Variants in TMEM232 observed in about 807,000 individuals in gnomAD.
TMEM232 encodes the protein transmembrane protein 232.
In TMEM232, 80 loss-of-function variants were observed where a neutral mutation model predicts 78.8. The ratio of observed to expected loss-of-function variants is 1.01; its 90% CI spans 0.85 to 1.22. The LOEUF (loss-of-function observed/expected upper bound fraction) is 1.22. TMEM232 is among the 50% of genes most tolerant of loss of function. The pLI is 0.00. For missense variants in TMEM232, 881 were observed against 742.2 expected (o/e 1.19, Z -2.17); for synonymous variants, 297 against 254.3 (o/e 1.17, Z -1.60).
chr5:110,672,335 G>T (rs986200693), intron 1 of TMEM232, among the ~76,000 whole-genome samples: 4 of 152,038 alleles, frequency 2.6e-5, no homozygotes, highest in Non-Finnish European at 5.9e-5. Context: ...TTCTCCAGTG[G>T]GATGGAATAA....
At chr5:110,627,963 T>C in intron 5 of TMEM232, 83 bp from the exon 6 acceptor site, 1 of 945,350 alleles carries the variant, frequency 1.1e-6, no homozygotes, top group Non-Finnish European at 1.6e-6. Context: ...ACCATTATAT[T>C]ATTACATTTT....
chr5:110,418,776 C>T (rs1447603701), downstream of TMEM232, among the ~76,000 whole-genome samples: 1 of 152,110 alleles, frequency 6.6e-6, no homozygotes, highest in Non-Finnish European at 1.5e-5. Flanking sequence ...AGGACCATGC[C>T]TCAGAATGCT....
chr5:110,536,285 CT>C lies in TMEM232; in HGVS notation c.1456-7451del, dbSNP rs1218598103. On this transcript the variant is annotated intron_variant, in intron 11 of 13. Transcript: ENST00000455884. ...CTAGTAAGGGAACTGAGCCCTTTGC[CT>C]TTTTTTTCTTTTTCAGTATTTCAGC... Among the ~76,000 whole-genome samples the C allele has an allele frequency of 7.9e-5, 12 of 152,150 alleles. No homozygotes were observed. In the South Asian group the frequency reaches 2.1e-3, roughly 26 times the overall value.
At chr5:110,394,882 C>T (rs1000586078) in intron 3 of TMEM232, among the ~76,000 whole-genome samples, 2 of 152,164 alleles carry the variant, frequency 1.3e-5, no homozygotes, top group Non-Finnish European at 2.9e-5. Context: ...GGTCTCTCTG[C>T]ATGCTCTTGC....
chr5:110,492,987 T>C (rs1475320129), intron 12 of TMEM232, among the ~76,000 whole-genome samples: 2 of 151,892 alleles, frequency 1.3e-5, no homozygotes, highest in East Asian at 3.9e-4. Flanking sequence ...GATTGATAAC[T>C]ATTAAAGCCA....
chr5:110,508,374 G>C (rs928726408), intron 12 of TMEM232, among the ~76,000 whole-genome samples: 1 of 150,718 alleles, frequency 6.6e-6, no homozygotes, highest in Non-Finnish European at 1.5e-5. Context: ...AAACGAGGTA[G>C]GAAATGAAAT....
intron 10 of TMEM232, among the ~76,000 whole-genome samples, chr5:110,598,049 A>G (rs1247871009): frequency 6.6e-6 from 1 of 152,236 alleles, no homozygotes; most frequent in East Asian, 1.9e-4. Context: ...TGCACAGCAA[A>G]AGAAACTACC....
rs191272222 is a variant in TMEM232, at chr5:110,733,777, C to T, written c.-13+1126G>A. Among the ~76,000 whole-genome samples the T allele has an allele frequency of 1.7e-3, 259 of 152,182 alleles. 1 individual carries two copies. Among genetic ancestry groups the T allele is most frequent in the Non-Finnish European group, 3.0e-3 (203 of 68,000 alleles). On this transcript the variant is annotated intron_variant, in intron 2 of 4. Coordinates refer to the TMEM232 transcript ENST00000512886. ...TGATGAAATAACCTGTACAACAAACCCCTGTGACATAAATTTAGCTACATA... is the reference window on the plus strand; with the variant it reads ...TGATGAAATAACCTGTACAACAAACTCCTGTGACATAAATTTAGCTACATA...
At chr5:110,705,361 A>G (rs1362338466) in intron 1 of TMEM232, among the ~76,000 whole-genome samples, 1 of 152,132 alleles carries the variant, frequency 6.6e-6, no homozygotes, top group East Asian at 1.9e-4. Flanking sequence ...ATTGACAAGA[A>G]GAGTCAATAC....
At chr5:110,524,062 C>T (rs903861043) in intron 12 of TMEM232, among the ~76,000 whole-genome samples, 4 of 149,770 alleles carry the variant, frequency 2.7e-5, no homozygotes, top group Non-Finnish European at 3.0e-5. Flanking sequence ...CAGGAGTTCG[C>T]GACCAGCCTG....
chr5:110,555,687 G>T (rs1276364114), intron 11 of TMEM232, among the ~76,000 whole-genome samples: 1 of 152,102 alleles, frequency 6.6e-6, no homozygotes, highest in South Asian at 2.1e-4. Flanking sequence ...CAAGAGTGTT[G>T]GGTAAATAGG....
At chr5:110,505,865 A>T (rs1766829271) in intron 12 of TMEM232, among the ~76,000 whole-genome samples, 1 of 152,092 alleles carries the variant, frequency 6.6e-6, no homozygotes, top group African/African-American at 2.4e-5. Flanking sequence ...ATGCTTCTTT[A>T]TTTCCTTTCT....
intron 8 of TMEM232, 63 bp from the exon 9 acceptor site, chr5:110,606,350 T>C: frequency 7.1e-7 from 1 of 1,416,352 alleles, no homozygotes; most frequent in Non-Finnish European, 9.4e-7. Context: ...TAATCAACTT[T>C]TAATGTGAAA....
chr5:110,466,162 A>AAAAT (rs1440842668), intron 12 of TMEM232, among the ~76,000 whole-genome samples: 9 of 152,334 alleles, frequency 5.9e-5, no homozygotes, highest in African/African-American at 2.2e-4. Flanking sequence ...AAAAATTCCC[A>AAAAT]AAATATTACC....
chr5:110,480,341 C>T (rs1421799976), intron 12 of TMEM232, among the ~76,000 whole-genome samples: 3 of 151,850 alleles, frequency 2.0e-5, no homozygotes, highest in Non-Finnish European at 4.4e-5. Context: ...TATTTATATG[C>T]AAATGTCAGT....
intron 10 of TMEM232, among the ~76,000 whole-genome samples, chr5:110,583,248 A>C (rs1488991617): frequency 6.6e-6 from 1 of 152,052 alleles, no homozygotes; most frequent in African/African-American, 2.4e-5. Flanking sequence ...ATTTCAAAGT[A>C]TACTTCAAGG....
At chr5:110,695,349 A>C (rs551031902) in intron 1 of TMEM232, among the ~76,000 whole-genome samples, 40 of 152,360 alleles carry the variant, frequency 2.6e-4, no homozygotes, top group African/African-American at 9.4e-4. Context: ...AAGAGAAAGC[A>C]GGAAAGATCT....
Position 110,710,029 on chromosome 5 carries a change from T to C in TMEM232, c.-13+16598A>G, listed in dbSNP as rs1431774932. Among the ~76,000 whole-genome samples the C allele has an allele frequency of 2.7e-5, 4 of 148,438 alleles. No homozygotes were observed. In the South Asian group the frequency reaches 8.5e-4, roughly 32 times the overall value. ...TTGGAAAACCTTTAGTTAGACAAAT[T>C]AAGAAAAAAAAAGGCAGATGACTCA... On this transcript the variant is annotated intron_variant, in intron 1 of 13. Coordinates refer to ENST00000455884, the MANE Select transcript of TMEM232 (RefSeq NM_001039763.4).
chr5:110,708,926 A>C (rs774855871), intron 1 of TMEM232, among the ~76,000 whole-genome samples: 14 of 152,100 alleles, frequency 9.2e-5, no homozygotes, highest in Non-Finnish European at 1.6e-4. Context: ...TTCAATAAAA[A>C]AAAATATAGT....
Sources: allele counts gnomAD v4.1 joint callset (sites outside exome capture counted in the v4.1 genomes callset), GRCh38; gene constraint gnomAD v4.1.1; transcripts MANE v1.5; gene names NCBI Gene and HGNC (gene_info 2026-07-23, HGNC 2026-07-21).